NCKAP1: variants seen among roughly 807,000 people sequenced by gnomAD.
The protein encoded by NCKAP1 is nck-associated protein 1.
In NCKAP1, 21 loss-of-function variants were observed where a neutral mutation model predicts 151.2. That is an observed-to-expected ratio of 0.14 (90% CI 0.10 to 0.20). The LOEUF (loss-of-function observed/expected upper bound fraction) is 0.20. Ranked by LOEUF, NCKAP1 falls within the 10% of genes least tolerant of loss-of-function variation. The pLI is 1.00. For synonymous variants in NCKAP1, 484 were observed against 451.8 expected, an observed-to-expected ratio of 1.07 and a Z score of -0.90; for missense variants, 933 against 1,352.1, an observed-to-expected ratio of 0.69 and a Z score of 4.86.
intron 1 of NCKAP1, among the ~76,000 whole-genome samples, chr2:183,025,438 C>A (rs1427092387): frequency 6.6e-6 from 1 of 152,062 alleles, no homozygotes; most frequent in African/African-American, 2.4e-5. Flanking sequence ...TCAAACATCA[C>A]CTAACTTCCT....
intron 27 of NCKAP1, 81 bp from the exon 28 acceptor site, chr2:182,928,980 T>A: frequency 5.6e-6 from 5 of 890,068 alleles, no homozygotes; most frequent in Non-Finnish European, 8.5e-6. Context: ...TAAACAGATT[T>A]TTATTTTAAA....
At chr2:182,958,640 C>T (rs1273203496) in intron 18 of NCKAP1, among the ~76,000 whole-genome samples, 1 of 152,078 alleles carries the variant, frequency 6.6e-6, no homozygotes, top group African/African-American at 2.4e-5. Flanking sequence ...GATTCAGTAA[C>T]TTAGATGTGT....
intron 2 of NCKAP1, among the ~76,000 whole-genome samples, chr2:183,017,374 T>A (rs1014871678): frequency 6.6e-6 from 1 of 152,164 alleles, no homozygotes; most frequent in Non-Finnish European, 1.5e-5. Flanking sequence ...AATTTCATGG[T>A]CCCATCTGGG....
chr2:182,958,580 A>C (rs528004469), intron 18 of NCKAP1, among the ~76,000 whole-genome samples: 1 of 152,352 alleles, frequency 6.6e-6, no homozygotes, highest in South Asian at 2.1e-4. Flanking sequence ...GTGTAATAAA[A>C]AAATTTTAAT....
At chr2:182,972,703 T>C (rs543465579) in intron 15 of NCKAP1, among the ~76,000 whole-genome samples, 2 of 152,222 alleles carry the variant, frequency 1.3e-5, no homozygotes, top group Admixed American at 1.3e-4. Context: ...ATATACACAA[T>C]GGAATATTAT....
At chr2:183,007,116 T>G (rs1437605895) in intron 2 of NCKAP1, among the ~76,000 whole-genome samples, 1 of 152,052 alleles carries the variant, frequency 6.6e-6, no homozygotes, top group Admixed American at 6.5e-5. Flanking sequence ...TAGGTGATCC[T>G]CCCGCCTCGG....
intron 20 of NCKAP1, among the ~76,000 whole-genome samples, chr2:182,954,396 A>C (rs1233150480): frequency 6.6e-6 from 1 of 152,198 alleles, no homozygotes; most frequent in Non-Finnish European, 1.5e-5. Flanking sequence ...CCTGAGCATT[A>C]GATCTGTAAA....
intron 2 of NCKAP1, among the ~76,000 whole-genome samples, chr2:183,015,474 G>A (rs554769654): frequency 6.8e-4 from 102 of 150,752 alleles, no homozygotes; most frequent in African/African-American, 2.5e-3. Flanking sequence ...TTAGAGGAAA[G>A]TAGGCTCCAG....
At chr2:182,929,452 AAAG>A (rs1025170131) in intron 27 of NCKAP1, among the ~76,000 whole-genome samples, 1 of 151,884 alleles carries the variant, frequency 6.6e-6, no homozygotes, top group Non-Finnish European at 1.5e-5. Context: ...GTCATGAATA[AAAG>A]AAGACAGAAG....
At chr2:182,952,554 G>A in intron 22 of NCKAP1, 52 bp from the exon 23 acceptor site, 1 of 1,332,976 alleles carries the variant, frequency 7.5e-7, no homozygotes, top group South Asian at 1.3e-5. Flanking sequence ...AATACTTTAA[G>A]AAAATGAACA....
chr2:183,004,108 T>TAGCC (rs1388564648), intron 2 of NCKAP1, among the ~76,000 whole-genome samples: 3 of 152,162 alleles, frequency 2.0e-5, no homozygotes, highest in Non-Finnish European at 2.9e-5. Context: ...GTTTACTGAA[T>TAGCC]AGCCACTCCC....
intron 16 of NCKAP1, 59 bp from the exon 17 acceptor site, chr2:182,964,867 G>A: frequency 7.8e-7 from 1 of 1,282,302 alleles, no homozygotes; most frequent in Non-Finnish European, 1.1e-6. Context: ...TTCTGATATA[G>A]TACCTTACAG....
Position 182,967,375 on chromosome 2 carries a change from A to G in NCKAP1, c.1483-14T>C. ...ACTAGTATATGCCTATAAAGTACAA[A>G]AAAAAAAAAGTAGTTCAGGTAAACA... On this transcript the variant is annotated splice_polypyrimidine_tract_variant and intron_variant, in intron 15 of 30. Transcript: ENST00000361354. 6.4e-7 allele frequency: 1 copy of G among 1,574,488 alleles called. No individual in the cohort carries two copies. Among genetic ancestry groups the G allele is most frequent in the South Asian group, 1.2e-5 (1 of 83,286 alleles).
intron 2 of NCKAP1, among the ~76,000 whole-genome samples, chr2:183,022,243 A>G (rs1341826250): frequency 6.6e-6 from 1 of 152,218 alleles, no homozygotes; most frequent in Non-Finnish European, 1.5e-5. Context: ...TTCTCTGAAG[A>G]GCTCATGTCA....
chr2:182,997,008 C>G (rs1249747996), intron 6 of NCKAP1, among the ~76,000 whole-genome samples: 1 of 152,140 alleles, frequency 6.6e-6, no homozygotes, highest in Non-Finnish European at 1.5e-5. Flanking sequence ...TTTACCACTT[C>G]CTCTAGATTT....
intron 2 of NCKAP1, among the ~76,000 whole-genome samples, chr2:183,022,440 T>A (rs1015750682): frequency 6.6e-6 from 1 of 152,332 alleles, no homozygotes; most frequent in Non-Finnish European, 1.5e-5. Context: ...TTGAATCACC[T>A]ATTTTGCAAT....
intron 23 of NCKAP1, among the ~76,000 whole-genome samples, chr2:182,948,262 A>ATT (rs1697146695): frequency 6.6e-6 from 1 of 152,128 alleles, no homozygotes; most frequent in African/African-American, 2.4e-5. Flanking sequence ...AGTTATTATG[A>ATT]AGGTAAAATG....
At chr2:182,979,587 T>C (rs957869888) in intron 13 of NCKAP1, among the ~76,000 whole-genome samples, 1 of 152,098 alleles carries the variant, frequency 6.6e-6, no homozygotes, top group Non-Finnish European at 1.5e-5. Flanking sequence ...TTAAAAATCA[T>C]GAAAATGGTA....
At chr2:182,951,813 T>G (rs1280082540) in intron 23 of NCKAP1, among the ~76,000 whole-genome samples, 1 of 152,136 alleles carries the variant, frequency 6.6e-6, no homozygotes, top group Non-Finnish European at 1.5e-5. Context: ...AGTTATTATA[T>G]ATACAGATTC....
Sources: allele counts gnomAD v4.1 joint callset (sites outside exome capture counted in the v4.1 genomes callset), GRCh38; gene constraint gnomAD v4.1.1; transcripts MANE v1.5; gene names NCBI Gene and HGNC (gene_info 2026-07-23, HGNC 2026-07-21).